The following EIF3J variants were observed in gnomAD, a reference collection of about 807,000 sequenced individuals.
EIF3J encodes eukaryotic translation initiation factor 3, subunit 1 (alpha, 35kD).
In EIF3J, 15 loss-of-function variants were observed where a neutral mutation model predicts 39.0. The ratio of observed to expected loss-of-function variants is 0.38; its 90% CI spans 0.26 to 0.59. The LOEUF (loss-of-function observed/expected upper bound fraction) is 0.59. Ranked by LOEUF, EIF3J falls within the 20% of genes least tolerant of loss-of-function variation. EIF3J has a pLI of 0.60. For synonymous variants in EIF3J, 98 were observed against 112.9 expected, an observed-to-expected ratio of 0.87 and a Z score of 0.84; for missense variants, 226 against 308.6, an observed-to-expected ratio of 0.73 and a Z score of 2.00.
chr15:44,541,660 A>G (rs2082015437), intron 2 of EIF3J, among the ~76,000 whole-genome samples: 1 of 152,252 alleles, frequency 6.6e-6, no homozygotes, highest in South Asian at 2.1e-4. Context: ...CTTCTAAAGA[A>G]CAGGATCTGT....
At chr15:44,556,097 G>A (rs1444199395) in intron 5 of EIF3J, among the ~76,000 whole-genome samples, 1 of 152,060 alleles carries the variant, frequency 6.6e-6, no homozygotes, top group Non-Finnish European at 1.5e-5. Flanking sequence ...GAAGTCCTGA[G>A]CTCAAGTGAT....
At chr15:44,560,620 A>AAAT in intron 7 of EIF3J, 1 of 363,526 alleles carries the variant, frequency 2.8e-6, no homozygotes, top group Non-Finnish European at 5.0e-6. Flanking sequence ...CTCCCTTCTA[A>AAAT]AATAGGAACA....
chr15:44,543,112 T>G (rs2082025758), intron 2 of EIF3J, among the ~76,000 whole-genome samples: 2 of 152,228 alleles, frequency 1.3e-5, no homozygotes, highest in African/African-American at 4.8e-5. Flanking sequence ...TGGTGAACAT[T>G]CTACCTTAAA....
In EIF3J at chr15:44,537,315, C is replaced by G; in HGVS notation, c.44-9C>G. 1 of 1,561,124 alleles carries G rather than the reference C, an allele frequency of 6.4e-7. No homozygotes were observed. Among genetic ancestry groups the G allele is most frequent in the African/African-American group, 1.4e-5 (1 of 73,532 alleles). On this transcript the variant is annotated splice_polypyrimidine_tract_variant and intron_variant, in intron 1 of 7. Coordinates refer to ENST00000261868, the MANE Select transcript of EIF3J (RefSeq NM_003758.4). The stretch of plus-strand genomic sequence containing the variant: ...GGCAGGCACTAACACGGCTCGCTTT[C>G]TTCCGTAGACGCCGACGCTTTCTCC...
At chr15:44,556,617 G>T (rs985535781) in intron 5 of EIF3J, among the ~76,000 whole-genome samples, 3 of 151,662 alleles carry the variant, frequency 2.0e-5, no homozygotes, top group Non-Finnish European at 4.4e-5. Context: ...AGTGATTCTC[G>T]TGCCTCAGCC....
rs1183943890 is a variant in EIF3J, at chr15:44,562,291, CATTATTTT to C, written c.*1143_*1150del. On this transcript the variant is annotated 3_prime_UTR_variant, in exon 8 of 8. Coordinates refer to ENST00000261868, the MANE Select transcript of EIF3J (RefSeq NM_003758.4). ...TGCCTTCCTCTTATTTATTTGGGGA[CATTATTTT>C]GTTATTTAGATACCAAGGCCTAATT... 6.6e-6 allele frequency: 1 copy of C among 152,374 alleles called. No homozygotes were observed. The highest frequency in any genetic ancestry group is 1.5e-5 in the Non-Finnish European group (1 of 67,980). 9.4% of individuals were successfully genotyped at this position (152,374 alleles called of 1,614,324 possible).
intron 6 of EIF3J, among the ~76,000 whole-genome samples, chr15:44,559,440 G>T (rs1279029285): frequency 6.6e-6 from 1 of 151,518 alleles, no homozygotes; most frequent in Non-Finnish European, 1.5e-5. Context: ...GCCGGGTGCG[G>T]TGGCTCACAC....
intron 2 of EIF3J, 78 bp downstream of exon 2, chr15:44,537,505 T>A: frequency 7.3e-7 from 1 of 1,368,614 alleles, no homozygotes; most frequent in South Asian, 1.6e-5. Context: ...CCCGGGTCGC[T>A]GCCGGGGCCT....
At chr15:44,557,320 C>T (rs992438490) in intron 5 of EIF3J, among the ~76,000 whole-genome samples, 169 bp from the exon 6 acceptor site, 1 of 152,074 alleles carries the variant, frequency 6.6e-6, no homozygotes, top group Non-Finnish European at 1.5e-5. Flanking sequence ...TGTAACCCCC[C>T]TCCCCCCTCA....
intron 2 of EIF3J, among the ~76,000 whole-genome samples, chr15:44,544,763 T>TG (rs1196938720): frequency 6.7e-6 from 1 of 148,662 alleles, no homozygotes; most frequent in African/African-American, 2.5e-5. Context: ...CCCAGCACTT[T>TG]GGGAGGCTGA....
chr15:44,555,212 A>G (rs2082134621), intron 5 of EIF3J, among the ~76,000 whole-genome samples: 1 of 152,190 alleles, frequency 6.6e-6, no homozygotes, highest in African/African-American at 2.4e-5. Context: ...GCAGGATCCT[A>G]TAAATAGATA....
chr15:44,553,970 C>A (rs1372850088), intron 4 of EIF3J, among the ~76,000 whole-genome samples: 1 of 152,142 alleles, frequency 6.6e-6, no homozygotes, highest in Non-Finnish European at 1.5e-5. Flanking sequence ...ATAGAAGTAA[C>A]CCCAGTCTTC....
At chr15:44,550,466 A>AT (rs1013969411) in intron 2 of EIF3J, among the ~76,000 whole-genome samples, 404 of 142,472 alleles carry the variant, frequency 2.8e-3, no homozygotes, top group Middle Eastern at 3.6e-3. Flanking sequence ...TAATTTTTTA[A>AT]TTTTTTTTTT....
rs1309228946 is a variant in EIF3J at position 44,537,434 on chromosome 15, G to A, written c.147+7G>A. ...CGAGGACGAGGACGTCAAGGTGGGT[G>A]CGGGCTAGGGCGCCGGGCAGCGCGG... On this transcript the variant is annotated splice_region_variant and intron_variant, in intron 2 of 7. Coordinates refer to ENST00000261868, the MANE Select transcript of EIF3J (RefSeq NM_003758.4). The A allele has an allele frequency of 6.5e-7, 1 of 1,534,812 alleles. No homozygotes were observed. Among genetic ancestry groups the A allele is most frequent in the Non-Finnish European group, 8.8e-7 (1 of 1,141,142 alleles).
intron 2 of EIF3J, among the ~76,000 whole-genome samples, chr15:44,549,779 A>C (rs534145293): frequency 1.3e-5 from 2 of 150,414 alleles, no homozygotes; most frequent in East Asian, 2.0e-4. Flanking sequence ...AAAAAAAAAA[A>C]AAAAAAAAAA....
chr15:44,557,746 T>C (rs1449993533), intron 6 of EIF3J, 96 bp downstream of exon 6: 2 of 912,036 alleles, frequency 2.2e-6, no homozygotes, highest in Non-Finnish European at 1.5e-6. Flanking sequence ...AAGGATACTA[T>C]AATACAGACT....
At chr15:44,559,410 CA>C (rs199994058) in intron 6 of EIF3J, among the ~76,000 whole-genome samples, 12,921 of 136,478 alleles carry the variant, frequency 0.095, 1,145 homozygotes, top group East Asian at 0.25. Context: ...GACTCTGTCT[CA>C]AAAAAAAAAA....
chr15:44,559,698 C>T (rs1437617022), intron 6 of EIF3J, among the ~76,000 whole-genome samples: 3 of 146,956 alleles, frequency 2.0e-5, no homozygotes, highest in Non-Finnish European at 4.4e-5. Flanking sequence ...CAGAGTGAGA[C>T]TCCATCTCAA....
Position 44,550,902 on chromosome 15 carries a change from A to T in EIF3J, c.174A>T (p.Glu58Asp). 1.2e-6 allele frequency: 2 copies of T among 1,610,572 alleles called. No individual in the cohort carries two copies. Among genetic ancestry groups the T allele is most frequent in the Non-Finnish European group, 1.7e-6 (2 of 1,177,890 alleles). Residue 58 changes from glutamate (E) to aspartate (D), a missense_variant, in exon 3 of 8, where the codon GAA (glutamate) becomes GAT (aspartate). Around this residue, in one of 2 missense-constraint regions of EIF3J, gnomAD observed 143 missense variants for 156.0 expected, o/e 0.92. Transcript: ENST00000261868. The stretch of plus-strand genomic sequence containing the variant: ...ATAACTGGGATGACGATGATGATGA[A>T]AAAAAAGAGGAAGCAGAAGTAAAAC... ...VKDNWDDDDDEKKEEAEVKPE... is the reference protein window; with the variant it reads ...VKDNWDDDDDDKKEEAEVKPE...
Sources: allele counts gnomAD v4.1 joint callset (sites outside exome capture counted in the v4.1 genomes callset), GRCh38; gene constraint gnomAD v4.1.1; regional missense constraint gnomAD v4.1.1; transcripts MANE v1.5; gene names NCBI Gene and HGNC (gene_info 2026-07-23, HGNC 2026-07-21).